PCDHA11: variants seen among roughly 807,000 people sequenced by gnomAD.
PCDHA11 encodes the protein protocadherin alpha-11.
Under a neutral mutation model 70.3 loss-of-function variants are expected in PCDHA11, and 61 were observed. The ratio of observed to expected loss-of-function variants is 0.87; its 90% confidence interval spans 0.71 to 1.07. The LOEUF (loss-of-function observed/expected upper bound fraction) is 1.07. Among genes scored for constraint, PCDHA11 ranks in the 50% least tolerant of loss-of-function variants. PCDHA11 has a pLI of 0.00. For synonymous variants in PCDHA11, 633 were observed against 555.1 expected (o/e 1.14, Z -1.97); for missense variants, 1,324 against 1,237.5 (o/e 1.07, Z -1.05).
At chr5:140,965,490 C>G (rs115003344) in intron 1 of PCDHA11, among the ~76,000 whole-genome samples, 2,488 of 148,960 alleles carry the variant, frequency 0.017, 68 homozygotes, top group African/African-American at 0.057. Context: ...TGCTTAATGA[C>G]AGCAGATTTT....
At chr5:140,889,626 TC>T (rs2062301507) in intron 1 of PCDHA11, among the ~76,000 whole-genome samples, 1 of 152,228 alleles carries the variant, frequency 6.6e-6, no homozygotes, top group African/African-American at 2.4e-5. Flanking sequence ...TCATTTCTCT[TC>T]TTTTCATTTG....
intron 1 of PCDHA11, among the ~76,000 whole-genome samples, chr5:140,957,202 A>G (rs75358038): frequency 1.8e-4 from 28 of 152,316 alleles, no homozygotes; most frequent in Non-Finnish European, 2.9e-4. Flanking sequence ...TGGGAATATA[A>G]ATAGGCACAA....
intron 1 of PCDHA11, chr5:140,969,506 G>A (rs1262259666): frequency 2.9e-5 from 41 of 1,426,940 alleles, no homozygotes; most frequent in Non-Finnish European, 3.6e-5. Context: ...TAGAAAAATA[G>A]CACTAAAGAA....
At chr5:140,903,675 A>G (rs1554191078) in intron 1 of PCDHA11, among the ~76,000 whole-genome samples, 2 of 152,244 alleles carry the variant, frequency 1.3e-5, no homozygotes, top group Non-Finnish European at 2.9e-5. Flanking sequence ...GATATAAAAG[A>G]TGTTTGGTAA....
Position 140,953,939 on chromosome 5 carries a change from A to G in PCDHA11, c.2392-25010A>G, listed in dbSNP as rs544318515. ...TATTCTTCCTGATGCTCTCCCTCCCATTGCTCCCCCAACAGGCCCCAGTGT... is the reference window on the plus strand; with the variant it reads ...TATTCTTCCTGATGCTCTCCCTCCCGTTGCTCCCCCAACAGGCCCCAGTGT... On this transcript the variant is annotated intron_variant, in intron 1 of 3. Coordinates refer to ENST00000398640, the MANE Select transcript of PCDHA11 (RefSeq NM_018902.5). Among the ~76,000 whole-genome samples the G allele has an allele frequency of 2.8e-3, 420 of 151,700 alleles. 4 individuals carry two copies. The highest frequency in any genetic ancestry group is 4.8e-3 in the Non-Finnish European group (324 of 67,900).
intron 3 of PCDHA11, among the ~76,000 whole-genome samples, chr5:140,984,149 G>C (rs2097089041): frequency 6.6e-6 from 1 of 152,198 alleles, no homozygotes; most frequent in Non-Finnish European, 1.5e-5. Context: ...CATCTGGGAA[G>C]GTGAGAACTT....
chr5:141,005,664 T>G (rs1554260244), intron 3 of PCDHA11, among the ~76,000 whole-genome samples: 1 of 122,102 alleles, frequency 8.2e-6, no homozygotes. Flanking sequence ...ATCGCGCCAC[T>G]GCACTCCAGC....
At chr5:140,959,859 T>A (rs2095514385) in intron 1 of PCDHA11, among the ~76,000 whole-genome samples, 1 of 152,192 alleles carries the variant, frequency 6.6e-6, no homozygotes, top group South Asian at 2.1e-4. Context: ...AGGAATTATG[T>A]AGCAAAATCT....
chr5:140,963,941 G>A lies in PCDHA11; in HGVS notation c.2392-15008G>A, dbSNP rs1434019587. Among the ~76,000 whole-genome samples the A allele has an allele frequency of 7.9e-5, 12 of 152,320 alleles. No homozygotes were observed. In the East Asian group the frequency reaches 9.6e-4, roughly 12 times the overall value. On this transcript the variant is annotated intron_variant, in intron 1 of 3. Coordinates refer to ENST00000398640, the MANE Select transcript of PCDHA11 (RefSeq NM_018902.5). ...TAAGTAACATGTCCATAGCCAAACAGTTAGTCACTGGCAGGAGTGTGACTG... is the reference window on the plus strand; with the variant it reads ...TAAGTAACATGTCCATAGCCAAACAATTAGTCACTGGCAGGAGTGTGACTG...
At chr5:140,926,438 G>A (rs2083248814) in intron 1 of PCDHA11, 1 of 154,646 alleles carries the variant, frequency 6.5e-6, no homozygotes, top group African/African-American at 2.4e-5. Flanking sequence ...TTAAGATCTG[G>A]GCAGCCTCAG....
In PCDHA11 at chr5:141,009,991, T is replaced by G. The variant is rs929729966; in HGVS notation, c.*54T>G. Reference sequence around the variant, plus strand: ...CCAGTTTTTGTAATAATGGCAAATCTCTCCCATGTAGCAATTCCCTGCTCC... The same window carrying G: ...CCAGTTTTTGTAATAATGGCAAATCGCTCCCATGTAGCAATTCCCTGCTCC... On this transcript the variant is annotated 3_prime_UTR_variant, in exon 4 of 4. Coordinates refer to ENST00000398640, the MANE Select transcript of PCDHA11 (RefSeq NM_018902.5). 13 of 1,578,088 alleles carry G rather than the reference T, an allele frequency of 8.2e-6. No individual in the cohort carries two copies. In the East Asian group the frequency reaches 2.5e-4, roughly 30 times the overall value.
chr5:140,991,503 T>C (rs975448423), intron 3 of PCDHA11, among the ~76,000 whole-genome samples: 6 of 152,246 alleles, frequency 3.9e-5, no homozygotes, highest in Non-Finnish European at 7.3e-5. Context: ...TGAGTTTCAC[T>C]GGCTAAAATC....
chr5:140,998,524 T>A (rs553357630), intron 3 of PCDHA11, among the ~76,000 whole-genome samples: 1 of 152,328 alleles, frequency 6.6e-6, no homozygotes, highest in East Asian at 1.9e-4. Flanking sequence ...TTATTCATAT[T>A]TATATCCCTA....
intron 1 of PCDHA11, chr5:140,927,797 C>T (rs1554205063): frequency 6.2e-7 from 1 of 1,614,196 alleles, no homozygotes; most frequent in Non-Finnish European, 8.5e-7. Context: ...CTAGGTCCGC[C>T]TGAAACGCTC....
chr5:140,978,829 T>C, intron 1 of PCDHA11, 120 bp from the exon 2 acceptor site: 1 of 1,533,852 alleles, frequency 6.5e-7, no homozygotes, highest in Non-Finnish European at 8.8e-7. Flanking sequence ...ATGAAATGGC[T>C]CATTCAATAC....
intron 3 of PCDHA11, among the ~76,000 whole-genome samples, chr5:140,999,519 G>A (rs1303009823): frequency 6.6e-6 from 1 of 152,074 alleles, no homozygotes; most frequent in Non-Finnish European, 1.5e-5. Context: ...TAAGCATTTT[G>A]TTACCCCCTG....
chr5:140,927,150 G>GT, intron 1 of PCDHA11: 1 of 1,614,134 alleles, frequency 6.2e-7, no homozygotes, highest in Non-Finnish European at 8.5e-7. Context: ...GCGAACAGCT[G>GT]TGCAGGGCCA....
chr5:140,881,995 T>C, intron 1 of PCDHA11: 1 of 464,062 alleles, frequency 2.2e-6, no homozygotes, highest in Middle Eastern at 5.9e-4. Flanking sequence ...TGTCAGGAAA[T>C]GCAAGGGGCA....
chr5:140,947,321 A>C (rs1365578593), intron 1 of PCDHA11, among the ~76,000 whole-genome samples: 5 of 151,748 alleles, frequency 3.3e-5, no homozygotes, highest in East Asian at 3.9e-4. Flanking sequence ...AAGTCGGTTG[A>C]CCATAAATGT....
Sources: gnomAD v4.1 joint callset for allele counts (sites outside exome capture counted in the v4.1 genomes callset) on GRCh38, gnomAD v4.1.1 for gene constraint, MANE v1.5 for transcripts, NCBI Gene and HGNC (gene_info 2026-07-23, HGNC 2026-07-21) for gene names.